PRIM2: variants seen among roughly 807,000 people sequenced by gnomAD.
PRIM2 encodes DNA primase subunit 2.
A neutral mutation model predicts 67.3 loss-of-function variants in PRIM2; 39 were observed. That is an observed-to-expected ratio of 0.58 (90% CI 0.45 to 0.76). The LOEUF is 0.76. Ranked by LOEUF, PRIM2 falls within the 30% of genes least tolerant of loss-of-function variation. The pLI is 0.00. For missense variants in PRIM2, 398 were observed against 598.7 expected (o/e 0.66, Z 3.50); for synonymous variants, 143 against 198.7 (o/e 0.72, Z 2.36).
At chr6:57,570,031 C>T (rs1404420707) in intron 10 of PRIM2, among the ~76,000 whole-genome samples, 3 of 152,178 alleles carry the variant, frequency 2.0e-5, no homozygotes, top group South Asian at 2.1e-4. Flanking sequence ...TGAGCCACCA[C>T]GCCCTGCCAC....
At chr6:57,340,469 A>G (rs1171638360) in intron 5 of PRIM2, among the ~76,000 whole-genome samples, 5 of 152,222 alleles carry the variant, frequency 3.3e-5, no homozygotes, top group Admixed American at 6.5e-5. Flanking sequence ...ATGTCCAACA[A>G]TGATAGACTG....
At chr6:57,507,708 A>G (rs1287847274) in intron 8 of PRIM2, among the ~76,000 whole-genome samples, 3 of 152,172 alleles carry the variant, frequency 2.0e-5, no homozygotes, top group Non-Finnish European at 4.4e-5. Context: ...AAATGAGTAG[A>G]GATAATTAAC....
chr6:57,353,712 T>C (rs1339414428), intron 5 of PRIM2, among the ~76,000 whole-genome samples: 1 of 152,166 alleles, frequency 6.6e-6, no homozygotes, highest in Non-Finnish European at 1.5e-5. Context: ...ATTTTTTTAT[T>C]TTTTGGTGAG....
chr6:57,450,717 A>G lies in PRIM2; in HGVS notation c.694-56670A>G, dbSNP rs1216436257. 1.8e-4 allele frequency among the ~76,000 whole-genome samples: 28 copies of G among 152,360 alleles called. 1 individual carries two copies. The East Asian group carries it at 4.8e-3, about 26-fold the overall frequency. ...CATGAATGCATGCAGTAAGTGATTT[A>G]TAAAGCATGTGCTTTCCCTAATGAT... On this transcript the variant is annotated intron_variant, in intron 7 of 13. Coordinates refer to ENST00000615550, the MANE Select transcript of PRIM2 (RefSeq NM_000947.5).
At chr6:57,338,879 A>C (rs1768369024) in intron 5 of PRIM2, among the ~76,000 whole-genome samples, 1 of 151,562 alleles carries the variant, frequency 6.6e-6, no homozygotes, top group Admixed American at 6.6e-5. Flanking sequence ...AGAAGGAAAT[A>C]AAGGGTATTC....
intron 10 of PRIM2, among the ~76,000 whole-genome samples, chr6:57,581,159 A>C (rs1419194561): frequency 1.3e-5 from 2 of 152,326 alleles, no homozygotes; most frequent in African/African-American, 4.8e-5. Context: ...CTCTGAATGC[A>C]GTATTGGATG....
chr6:57,365,738 T>C (rs1183492631), intron 5 of PRIM2, among the ~76,000 whole-genome samples: 1 of 151,980 alleles, frequency 6.6e-6, no homozygotes, highest in East Asian at 1.9e-4. Context: ...GGCAGGAGGA[T>C]TGTTTGAGCT....
chr6:57,310,430 G>T (rs1767358542), upstream of PRIM2, among the ~76,000 whole-genome samples: 1 of 152,220 alleles, frequency 6.6e-6, no homozygotes, highest in Non-Finnish European at 1.5e-5. Context: ...GAACAAAATG[G>T]AGTCTCCTAT....
intron 10 of PRIM2, among the ~76,000 whole-genome samples, chr6:57,582,883 C>T (rs1379163904): frequency 6.7e-6 from 1 of 148,628 alleles, no homozygotes; most frequent in African/African-American, 2.5e-5. Context: ...GTGTGCTGCA[C>T]CCATTAACTC....
chr6:57,605,621 T>C (rs1337759411), intron 11 of PRIM2, among the ~76,000 whole-genome samples: 1 of 152,198 alleles, frequency 6.6e-6, no homozygotes, highest in Non-Finnish European at 1.5e-5. Context: ...GACTTTTCTA[T>C]ATTAAATTTT....
At chr6:57,476,300 A>G (rs1773476719) in intron 7 of PRIM2, among the ~76,000 whole-genome samples, 2 of 152,348 alleles carry the variant, frequency 1.3e-5, no homozygotes, top group South Asian at 4.1e-4. Flanking sequence ...AAATACGTTC[A>G]GCTACCAAAA....
the PRIM2 span, among the ~76,000 whole-genome samples, chr6:57,277,583 G>C: frequency 6.6e-6 from 1 of 151,432 alleles, no homozygotes; most frequent in East Asian, 1.9e-4. Flanking sequence ...AGCAGAAGCC[G>C]GGGGGTGGTA....
intron 13 of PRIM2, among the ~76,000 whole-genome samples, chr6:57,641,708 G>C (rs1339098400): frequency 6.6e-5 from 10 of 152,232 alleles, no homozygotes; most frequent in African/African-American, 2.4e-4. Context: ...GTTAGAATGG[G>C]GGTCATTAAA....
chr6:57,340,374 A>C (rs12182463), intron 5 of PRIM2, among the ~76,000 whole-genome samples: 1 of 152,024 alleles, frequency 6.6e-6, no homozygotes, highest in African/African-American at 2.4e-5. Flanking sequence ...CCAAAGGACT[A>C]TAAATCATGC....
At chr6:57,331,440 A>G (rs1275041422) in intron 5 of PRIM2, among the ~76,000 whole-genome samples, 1 of 152,128 alleles carries the variant, frequency 6.6e-6, no homozygotes, top group Non-Finnish European at 1.5e-5. Context: ...GAGTTGGGAA[A>G]TGTTTCCTCC....
At chr6:57,313,955 G>T (rs541944589), upstream of PRIM2, among the ~76,000 whole-genome samples, 1 of 152,204 alleles carries the variant, frequency 6.6e-6, no homozygotes, top group Non-Finnish European at 1.5e-5. Context: ...TGAATGCCAC[G>T]TGGGGCAGTC....
intron 8 of PRIM2, among the ~76,000 whole-genome samples, chr6:57,521,797 A>G (rs1774629835): frequency 6.6e-6 from 1 of 152,154 alleles, no homozygotes; most frequent in African/African-American, 2.4e-5. Flanking sequence ...AAAGAATGGA[A>G]ATATGTTTTA....
At chr6:57,352,832 G>A (rs1437843591) in intron 5 of PRIM2, among the ~76,000 whole-genome samples, 7 of 151,574 alleles carry the variant, frequency 4.6e-5, no homozygotes, top group Middle Eastern at 3.2e-3. Context: ...AGTGTAGAAG[G>A]GGAAAAAAAA....
chr6:57,530,757 GTGGAGCATGA>G (rs1168952989), intron 8 of PRIM2, among the ~76,000 whole-genome samples: 2 of 151,644 alleles, frequency 1.3e-5, no homozygotes, highest in Non-Finnish European at 2.9e-5. Flanking sequence ...GTCACCCAGG[GTGGAGCATGA>G]TCTCAGCTCA....
Sources: allele counts gnomAD v4.1 joint callset (sites outside exome capture counted in the v4.1 genomes callset), GRCh38; gene constraint gnomAD v4.1.1; transcripts MANE v1.5; gene names NCBI Gene and HGNC (gene_info 2026-07-23, HGNC 2026-07-21).